Variants in BCL2L1 observed in about 807,000 individuals in gnomAD.
BCL2L1 encodes the protein BCL2 like 1.
Under a neutral mutation model 18.7 loss-of-function variants are expected in BCL2L1, and 1 was observed. That is an observed-to-expected ratio of 0.05 (90% CI 0.02 to 0.25). The LOEUF (loss-of-function observed/expected upper bound fraction) is 0.25, where lower values mean the gene tolerates loss of function less well. Ranked by LOEUF, BCL2L1 falls within the 10% of genes least tolerant of loss-of-function variation. The pLI is 1.00. For missense variants in BCL2L1, 207 were observed against 304.9 expected (o/e 0.68, Z 2.39); for synonymous variants, 103 against 122.7 (o/e 0.84, Z 1.06).
At position 31,675,830 on chromosome 20, in the gene BCL2L1, C is replaced by T. The variant is rs1158291213; in HGVS notation, c.565-9744G>A. ...AGGGGGTGTCATAGAGGGCTCAAGC[C>T]ATCTGGGCTATAGGGAATATTTGGT... is the stretch of plus-strand genomic sequence containing the variant. On this transcript the variant is annotated intron_variant, in intron 2 of 2. Transcript: ENST00000307677. 2.6e-5 allele frequency among the ~76,000 whole-genome samples: 4 copies of T among 152,278 alleles called. No homozygotes were observed. In the East Asian group the frequency reaches 7.7e-4, roughly 29 times the overall value.
At chr20:31,679,680 C>T (rs1017866906) in intron 2 of BCL2L1, among the ~76,000 whole-genome samples, 3 of 152,194 alleles carry the variant, frequency 2.0e-5, no homozygotes, top group Non-Finnish European at 2.9e-5. Flanking sequence ...TTAATTGAGA[C>T]GAAGTCTCAC....
At chr20:31,720,874 G>A (rs1368069323) in intron 2 of BCL2L1, 1 of 985,296 alleles carries the variant, frequency 1.0e-6, no homozygotes, top group East Asian at 1.1e-4. Flanking sequence ...CCTGGGCTCT[G>A]GCCGGAAAGT....
At chr20:31,714,771 T>C (rs2061502549) in intron 2 of BCL2L1, among the ~76,000 whole-genome samples, 1 of 152,196 alleles carries the variant, frequency 6.6e-6, no homozygotes, top group South Asian at 2.1e-4. Flanking sequence ...AAAGAACATC[T>C]ATCTTACTTA....
intron 2 of BCL2L1, among the ~76,000 whole-genome samples, chr20:31,678,766 G>A (rs1243015293): frequency 2.0e-5 from 3 of 152,106 alleles, no homozygotes; most frequent in Non-Finnish European, 2.9e-5. Context: ...CCCCAGCACC[G>A]CCTCCAACTA....
At chr20:31,715,419 G>T (rs894763793) in intron 2 of BCL2L1, among the ~76,000 whole-genome samples, 2 of 151,568 alleles carry the variant, frequency 1.3e-5, no homozygotes, top group Non-Finnish European at 2.9e-5. Flanking sequence ...TTTCCCCTTT[G>T]CTGTTTCTTC....
chr20:31,680,149 G>A (rs2060834430), intron 2 of BCL2L1, among the ~76,000 whole-genome samples: 1 of 152,162 alleles, frequency 6.6e-6, no homozygotes, highest in Admixed American at 6.5e-5. Context: ...TTTTACCAAT[G>A]AGGAAACTAA....
At chr20:31,716,099 A>G (rs1272184636) in intron 2 of BCL2L1, among the ~76,000 whole-genome samples, 1 of 152,158 alleles carries the variant, frequency 6.6e-6, no homozygotes, top group East Asian at 1.9e-4. Context: ...ATGCTATATA[A>G]GCTTCAATTA....
At chr20:31,687,026 A>G (rs1261780853) in intron 2 of BCL2L1, among the ~76,000 whole-genome samples, 1 of 152,218 alleles carries the variant, frequency 6.6e-6, no homozygotes, top group Non-Finnish European at 1.5e-5. Context: ...AAGATTAAAA[A>G]TACTACACTG....
intron 2 of BCL2L1, among the ~76,000 whole-genome samples, chr20:31,697,207 C>T (rs2061186433): frequency 6.6e-6 from 1 of 152,166 alleles, no homozygotes; most frequent in African/African-American, 2.4e-5. Flanking sequence ...GTATACTTAG[C>T]ACCCATGGAG....
chr20:31,707,009 T>C (rs1332675043), intron 2 of BCL2L1, among the ~76,000 whole-genome samples: 3 of 152,186 alleles, frequency 2.0e-5, no homozygotes, highest in Admixed American at 6.5e-5. Flanking sequence ...TTCAAACCCA[T>C]GTCAAGCACC....
intron 2 of BCL2L1, among the ~76,000 whole-genome samples, chr20:31,709,330 C>T (rs6058431): frequency 0.41 from 62,762 of 151,878 alleles, 16,876 homozygotes; most frequent in African/African-American, 0.76. Context: ...TGTGTGTGTG[C>T]GCGCGTGCAC....
At position 31,722,353 on chromosome 20, in the gene BCL2L1, A is replaced by G; in HGVS notation, c.-130-5T>C. 1 of 623,606 alleles carries G rather than the reference A, an allele frequency of 1.6e-6. No homozygotes were observed. Among genetic ancestry groups the G allele is most frequent in the South Asian group, 4.9e-5 (1 of 20,298 alleles). 38.6% of individuals were successfully genotyped at this position (623,606 alleles called of 1,614,324 possible). A position where few individuals can be genotyped will look rare whatever the true frequency, so the allele number is the denominator to read the frequency against. On this transcript the variant is annotated splice_region_variant and splice_polypyrimidine_tract_variant and intron_variant, in intron 1 of 2. Coordinates refer to ENST00000307677, the MANE Select transcript of BCL2L1 (RefSeq NM_138578.3). ...ATTCTGAAGGGAGAGAAAGAGCTTCAGGAAAAAAAAATAATTAATATGCAT... is the reference window on the plus strand; with the variant it reads ...ATTCTGAAGGGAGAGAAAGAGCTTCGGGAAAAAAAAATAATTAATATGCAT...
At chr20:31,715,802 G>T (rs1193615172) in intron 2 of BCL2L1, among the ~76,000 whole-genome samples, 2 of 152,172 alleles carry the variant, frequency 1.3e-5, no homozygotes, top group Non-Finnish European at 2.9e-5. Context: ...GAAGAGGGCT[G>T]CTCCAGACAA....
chr20:31,694,042 C>T (rs1002294072), intron 2 of BCL2L1, among the ~76,000 whole-genome samples: 5 of 152,110 alleles, frequency 3.3e-5, no homozygotes, highest in Non-Finnish European at 5.9e-5. Context: ...AGGGTTAAGC[C>T]TGTTTCTCTG....
intron 2 of BCL2L1, among the ~76,000 whole-genome samples, chr20:31,690,036 A>G (rs1307785132): frequency 2.0e-5 from 3 of 152,212 alleles, no homozygotes; most frequent in Admixed American, 1.3e-4. Flanking sequence ...AAAAAAAGAA[A>G]AGATGTGCTA....
chr20:31,688,236 G>C (rs1292110989), intron 2 of BCL2L1, among the ~76,000 whole-genome samples: 4 of 152,018 alleles, frequency 2.6e-5, no homozygotes, highest in Non-Finnish European at 5.9e-5. Flanking sequence ...CTGAAGTCTG[G>C]AGTTTGAGAC....
chr20:31,701,638 T>C (rs980386374), intron 2 of BCL2L1, among the ~76,000 whole-genome samples: 3 of 152,188 alleles, frequency 2.0e-5, no homozygotes, highest in Admixed American at 6.5e-5. Context: ...TTTTAAGTGG[T>C]ACAGTGGTAT....
rs572456738 is a variant in BCL2L1 at position 31,721,510 on chromosome 20, G to A, written c.564+145C>T. 3.4e-5 allele frequency: 32 copies of A among 954,114 alleles called. No individual in the cohort carries two copies. The South Asian group carries it at 5.5e-4, about 16-fold the overall frequency. 59.1% of individuals were successfully genotyped at this position (954,114 alleles called of 1,614,324 possible). On this transcript the variant is annotated intron_variant, in intron 2 of 2. Coordinates refer to ENST00000307677, the MANE Select transcript of BCL2L1 (RefSeq NM_138578.3). The stretch of plus-strand genomic sequence containing the variant: ...ATTTCCAAGGAGTTAACCTCTTGTG[G>A]TGAAATGAGGCCAGTCAGGTTTCCT...
chr20:31,717,566 C>G (rs2061556780), intron 2 of BCL2L1, among the ~76,000 whole-genome samples: 1 of 152,218 alleles, frequency 6.6e-6, no homozygotes, highest in African/African-American at 2.4e-5. Context: ...TGAGACACTT[C>G]TACTTAATTT....
Sources: gnomAD v4.1 joint callset for allele counts (sites outside exome capture counted in the v4.1 genomes callset) on GRCh38, gnomAD v4.1.1 for gene constraint, MANE v1.5 for transcripts, NCBI Gene and HGNC (gene_info 2026-07-23, HGNC 2026-07-21) for gene names.